The following AHDC1 variants were observed in gnomAD, a reference collection of about 807,000 sequenced individuals.
AHDC1 encodes the protein AT-hook DNA binding motif containing 1.
A neutral mutation model predicts 87.9 loss-of-function variants in AHDC1; 7 were observed. That is an observed-to-expected ratio of 0.08 (90% CI 0.05 to 0.15). The LOEUF (loss-of-function observed/expected upper bound fraction) is 0.15. Ranked by LOEUF, AHDC1 falls within the 10% of genes least tolerant of loss-of-function variation. AHDC1 has a pLI of 1.00. For synonymous variants in AHDC1, 1,051 were observed against 1,006.8 expected (o/e 1.04, Z -0.83); for missense variants, 1,841 against 2,253.2 (o/e 0.82, Z 3.70).
chr1:27,575,185 G>T (rs1462590317), intron 3 of AHDC1, among the ~76,000 whole-genome samples: 1 of 152,190 alleles, frequency 6.6e-6, no homozygotes. Flanking sequence ...CGCCGCCGCC[G>T]CCGCCTCTGG....
chr1:27,567,666 C>A (rs1168443287), intron 3 of AHDC1, among the ~76,000 whole-genome samples: 3 of 152,186 alleles, frequency 2.0e-5, no homozygotes, highest in African/African-American at 7.2e-5. Flanking sequence ...CAACTTGGAA[C>A]CTCCCACCTG....
intron 3 of AHDC1, among the ~76,000 whole-genome samples, chr1:27,573,569 A>G (rs763485554): frequency 5.3e-5 from 8 of 152,190 alleles, no homozygotes; most frequent in Non-Finnish European, 1.0e-4. Context: ...AATCTGGGCC[A>G]CATAAATTTG....
intron 8 of AHDC1, among the ~76,000 whole-genome samples, chr1:27,538,126 G>A (rs568738555): frequency 3.3e-5 from 5 of 152,150 alleles, no homozygotes; most frequent in African/African-American, 1.2e-4. Flanking sequence ...ATGAGGCCGG[G>A]CAGGGTGACT....
chr1:27,550,306 C>T lies in AHDC1; in HGVS notation c.1810G>A (p.Asp604Asn), dbSNP rs2019464752. ...TACTCGGCCTTGCTGTCGTTGGCGT[C>T]TGCTGCATAGGATGGCTGGGGAGAT... ...LASPQPSYAA[D>N]ANDSKAEYSD... is the part of the protein sequence containing the mutation. The change falls in exon 8 of 9, where the codon GAC becomes AAC. Residue 604 changes from aspartate to asparagine, a missense_variant. Coordinates refer to ENST00000673934, the MANE Select transcript of AHDC1 (RefSeq NM_001371928.1). The T allele has an allele frequency of 6.2e-7, 1 of 1,614,128 alleles. No individual in the cohort carries two copies. The highest frequency in any genetic ancestry group is 8.5e-7 in the Non-Finnish European group (1 of 1,179,984).
chr1:27,602,129 G>A (rs113716316), intron 3 of AHDC1, among the ~76,000 whole-genome samples: 7,600 of 152,188 alleles, frequency 0.05, 256 homozygotes, highest in Middle Eastern at 0.092. Context: ...TCAGGCACTG[G>A]TGCAGAACCG....
At chr1:27,568,573 G>T (rs1019091944) in intron 3 of AHDC1, among the ~76,000 whole-genome samples, 3 of 152,202 alleles carry the variant, frequency 2.0e-5, no homozygotes, top group South Asian at 2.1e-4. Context: ...CGAACACCAG[G>T]AGCGGTGCCC....
chr1:27,576,958 C>A (rs2088771543), intron 3 of AHDC1, among the ~76,000 whole-genome samples: 2 of 152,134 alleles, frequency 1.3e-5, no homozygotes. Context: ...CCTGCCCACA[C>A]CCCCCAACGC....
intron 8 of AHDC1, among the ~76,000 whole-genome samples, chr1:27,537,929 C>A (rs1219848003): frequency 6.6e-6 from 1 of 152,206 alleles, no homozygotes; most frequent in Admixed American, 6.5e-5. Flanking sequence ...CCAGAGGGGG[C>A]TGCTCTCCTC....
chr1:27,542,407 A>G (rs1301791127), intron 8 of AHDC1, among the ~76,000 whole-genome samples: 1 of 152,142 alleles, frequency 6.6e-6, no homozygotes, highest in Non-Finnish European at 1.5e-5. Flanking sequence ...CAGGCGAGGG[A>G]GGGCCGGCTC....
intron 3 of AHDC1, among the ~76,000 whole-genome samples, chr1:27,589,321 G>A (rs2089157441): frequency 6.6e-6 from 1 of 152,182 alleles, no homozygotes; most frequent in African/African-American, 2.4e-5. Context: ...CTGTGCTCGT[G>A]TGAGTACCAC....
At position 27,548,579 on chromosome 1, in the gene AHDC1, G is replaced by A. The variant is rs564267887; in HGVS notation, c.3537C>T (p.Gly1179=). ...DSTQFNQPVG[G]GGFRRANSEA... ...CGCTGTTGGCACGCCGAAACCCCCCGCCACCAACCGGCTGATTGAACTGGG... is the reference window on the plus strand; with the variant it reads ...CGCTGTTGGCACGCCGAAACCCCCCACCACCAACCGGCTGATTGAACTGGG... The change falls in exon 8 of 9, where the codon GGC becomes GGT. Residue 1179 remains glycine, a synonymous_variant. Coordinates refer to ENST00000673934, the MANE Select transcript of AHDC1 (RefSeq NM_001371928.1). 18 of 1,613,416 alleles carry A rather than the reference G, an allele frequency of 1.1e-5. No homozygotes were observed. Among genetic ancestry groups the A allele is most frequent in the Admixed American group, 1.0e-4 (6 of 60,026 alleles).
chr1:27,536,547 CCA>C (rs1418339095), intron 8 of AHDC1, among the ~76,000 whole-genome samples: 1 of 152,114 alleles, frequency 6.6e-6, no homozygotes, highest in African/African-American at 2.4e-5. Flanking sequence ...TGCAAGCTCT[CCA>C]CAGTCAGGCG....
intron 3 of AHDC1, among the ~76,000 whole-genome samples, chr1:27,600,101 TTC>T (rs1188493372): frequency 6.6e-6 from 1 of 151,928 alleles, no homozygotes; most frequent in African/African-American, 2.4e-5. Flanking sequence ...CTTGCCTGTT[TTC>T]TCTTTCACTC....
Position 27,598,909 on chromosome 1 carries a change from T to C in AHDC1, c.-629+4488A>G, listed in dbSNP as rs572513675. Among the ~76,000 whole-genome samples the C allele has an allele frequency of 1.3e-5, 2 of 152,160 alleles. No homozygotes were observed. The highest frequency in any genetic ancestry group is 1.3e-4 in the Admixed American group (2 of 15,284). ...GCGCCCCCGTCACAAAGCCAGCAGC[T>C]TCAGACAGCATCCCTTAACATTCTC... On this transcript the variant is annotated intron_variant, in intron 3 of 8. Transcript: ENST00000673934. The surrounding 1 kb of genome is among the most constrained non-coding windows in gnomAD (Gnocchi z 4.2).
chr1:27,539,288 T>G (rs1557646925), intron 8 of AHDC1, among the ~76,000 whole-genome samples: 1 of 151,706 alleles, frequency 6.6e-6, no homozygotes, highest in Non-Finnish European at 1.5e-5. Context: ...TACATGTGCA[T>G]GCTACCACAT....
rs2019643997 is a variant in AHDC1, at chr1:27,552,924, A to C, written c.-107T>G. 1 of 152,712 alleles carries C rather than the reference A, an allele frequency of 6.5e-6. No individual in the cohort carries two copies. Among genetic ancestry groups the C allele is most frequent in the African/African-American group, 2.4e-5 (1 of 41,458 alleles). The allele number at this position is 152,712 out of a possible 1,614,324, so 9.5% of individuals were successfully genotyped here. ...TCTGCCGCCTGGGCTGTCACACTGG[A>C]GATCTCTGTGGGCAACAAGACGGGC... On this transcript the variant is annotated 5_prime_UTR_variant, in exon 7 of 9. Coordinates refer to ENST00000673934, the MANE Select transcript of AHDC1 (RefSeq NM_001371928.1).
In AHDC1 at chr1:27,549,900, T is replaced by C. The variant is rs1264371529; in HGVS notation, c.2216A>G (p.Lys739Arg). The change falls in exon 8 of 9, where the codon AAG becomes AGG. Residue 739 changes from lysine to arginine, a missense_variant. Physicochemically the swap from Lys to Arg is conservative, Grantham distance 26 (BLOSUM62 2). This residue lies in a region of AHDC1 where 236 missense variants were observed against 257.9 expected (regional missense o/e 0.92). Transcript: ENST00000673934. Reference protein sequence around the residue: ...GEVDAVTGKPKRKRRSRKNGT... With the variant: ...GEVDAVTGKPRRKRRSRKNGT... The stretch of plus-strand genomic sequence containing the variant: ...ATTCTTCCGGGACCGTCTCTTGCGC[T>C]TTGGCTTCCCAGTCACAGCGTCTAC... The C allele has an allele frequency of 8.7e-6, 14 of 1,613,682 alleles. No homozygotes were observed. Among genetic ancestry groups the C allele is most frequent in the Non-Finnish European group, 1.2e-5 (14 of 1,179,892 alleles).
intron 3 of AHDC1, among the ~76,000 whole-genome samples, chr1:27,575,154 G>A (rs1458110493): frequency 6.6e-6 from 1 of 152,162 alleles, no homozygotes; most frequent in Non-Finnish European, 1.5e-5. Context: ...AGGGCCCGAA[G>A]AGCCCGCCTC....
At chr1:27,592,961 C>A (rs72886327) in intron 3 of AHDC1, among the ~76,000 whole-genome samples, 15,378 of 152,218 alleles carry the variant, frequency 0.1, 2,130 homozygotes, top group African/African-American at 0.31. Context: ...CTGCCAAAGG[C>A]CTGCCAGCTG....
Sources: gnomAD v4.1 joint callset for allele counts (sites outside exome capture counted in the v4.1 genomes callset) on GRCh38, gnomAD v4.1.1 for gene constraint, gnomAD v4.1.1 regional missense constraint, Gnocchi (gnomAD v3.1) non-coding constraint, MANE v1.5 for transcripts, NCBI Gene and HGNC (gene_info 2026-07-23, HGNC 2026-07-21) for gene names.